THADA: variants seen among roughly 807,000 people sequenced by gnomAD.
THADA encodes tRNA (32-2'-O)-methyltransferase regulator THADA.
THADA carries 213 observed loss-of-function variants against 219.8 expected under a neutral mutation model. That is an observed-to-expected ratio of 0.97 (90% CI 0.87 to 1.09). The LOEUF (loss-of-function observed/expected upper bound fraction) is 1.09, where lower values mean the gene tolerates loss of function less well. THADA is among the 50% of genes least tolerant of loss of function. The pLI, the probability that THADA is intolerant of heterozygous loss-of-function variation, is 0.00. For synonymous variants in THADA, 1,018 were observed against 828.9 expected (o/e 1.23, Z -3.92); for missense variants, 2,956 against 2,311.3 (o/e 1.28, Z -5.72).
chr2:43,407,366 T>C (rs1197613576), intron 28 of THADA, among the ~76,000 whole-genome samples: 1 of 152,220 alleles, frequency 6.6e-6, no homozygotes, highest in African/African-American at 2.4e-5. Context: ...TTTATTGACA[T>C]TAAAAAACTT....
At chr2:43,530,805 A>C (rs1402174181) in intron 21 of THADA, among the ~76,000 whole-genome samples, 4 of 152,218 alleles carry the variant, frequency 2.6e-5, no homozygotes, top group Admixed American at 2.6e-4. Context: ...AAAATCAAAG[A>C]CCTCAGAAGT....
At chr2:43,522,830 A>C (rs753871761) in intron 22 of THADA, among the ~76,000 whole-genome samples, 2 of 152,142 alleles carry the variant, frequency 1.3e-5, no homozygotes, top group African/African-American at 4.8e-5. Flanking sequence ...AGGGAAATTA[A>C]AAGGATTTTT....
intron 31 of THADA, among the ~76,000 whole-genome samples, chr2:43,294,702 C>T (rs1378424866): frequency 1.3e-5 from 2 of 152,090 alleles, no homozygotes; most frequent in African/African-American, 2.4e-5. Flanking sequence ...GCAGGGAGAC[C>T]AGTTACAACA....
chr2:43,432,258 G>A (rs909116091), intron 26 of THADA, among the ~76,000 whole-genome samples: 1 of 152,148 alleles, frequency 6.6e-6, no homozygotes, highest in Non-Finnish European at 1.5e-5. Context: ...CCAAAGTTCT[G>A]GGATTACAGG....
intron 16 of THADA, among the ~76,000 whole-genome samples, chr2:43,558,611 G>C (rs956454529): frequency 1.3e-5 from 2 of 152,138 alleles, no homozygotes; most frequent in Non-Finnish European, 2.9e-5. Context: ...CTTCTCCCAT[G>C]CTGGATGCTT....
intron 29 of THADA, among the ~76,000 whole-genome samples, chr2:43,379,188 A>G (rs946800564): frequency 3.3e-5 from 5 of 152,210 alleles, no homozygotes; most frequent in South Asian, 2.1e-4. Context: ...TAATGTCCGT[A>G]TCTTCTGGAG....
At chr2:43,300,182 G>A (rs927148167) in intron 31 of THADA, among the ~76,000 whole-genome samples, 7 of 151,730 alleles carry the variant, frequency 4.6e-5, no homozygotes, top group African/African-American at 1.7e-4. Flanking sequence ...TGTCACCCAG[G>A]CTGAGTGCAG....
intron 27 of THADA, among the ~76,000 whole-genome samples, chr2:43,428,461 C>A (rs1405761300): frequency 2.0e-5 from 3 of 152,112 alleles, no homozygotes; most frequent in Admixed American, 6.5e-5. Flanking sequence ...AAAAAACTAG[C>A]CGATGTGGTG....
chr2:43,313,576 C>G (rs950832905), intron 31 of THADA, among the ~76,000 whole-genome samples: 1 of 152,202 alleles, frequency 6.6e-6, no homozygotes, highest in Non-Finnish European at 1.5e-5. Context: ...AGGTGGCTGC[C>G]CGGGAGCAGT....
intron 29 of THADA, among the ~76,000 whole-genome samples, chr2:43,354,581 G>C (rs1291672923): frequency 1.3e-5 from 2 of 151,582 alleles, no homozygotes; most frequent in East Asian, 3.9e-4. Flanking sequence ...TTTAATTTTT[G>C]GCTCCTACAA....
At chr2:43,403,808 T>A (rs547084112) in intron 28 of THADA, among the ~76,000 whole-genome samples, 1 of 152,104 alleles carries the variant, frequency 6.6e-6, no homozygotes, top group Non-Finnish European at 1.5e-5. Flanking sequence ...AAGCTATGTC[T>A]GACCCTGACC....
At chr2:43,459,517 A>T (rs1290002514) in intron 26 of THADA, among the ~76,000 whole-genome samples, 1 of 152,222 alleles carries the variant, frequency 6.6e-6, no homozygotes, top group East Asian at 1.9e-4. Context: ...AAGAGCTGAT[A>T]TTCTAGTAAG....
chr2:43,248,589 A>T (rs1669503977), intron 36 of THADA, among the ~76,000 whole-genome samples: 1 of 152,212 alleles, frequency 6.6e-6, no homozygotes, highest in African/African-American at 2.4e-5. Context: ...ATGGAAAATA[A>T]TTTCTTGATG....
At chr2:43,493,994 G>A (rs954799932) in intron 25 of THADA, among the ~76,000 whole-genome samples, 3 of 152,136 alleles carry the variant, frequency 2.0e-5, no homozygotes, top group Non-Finnish European at 4.4e-5. Context: ...CACAGTAGAA[G>A]TCATTATTTC....
intron 26 of THADA, among the ~76,000 whole-genome samples, chr2:43,464,893 C>A (rs1414837613): frequency 1.3e-5 from 2 of 152,082 alleles, no homozygotes; most frequent in Non-Finnish European, 2.9e-5. Flanking sequence ...ATTTCTTGAG[C>A]ACCCCTAGCC....
At chr2:43,279,938 T>C in intron 35 of THADA, 42 bp from the exon 36 acceptor site, 1 of 1,473,790 alleles carries the variant, frequency 6.8e-7, no homozygotes, top group Non-Finnish European at 9.0e-7. Flanking sequence ...AGAATGCAAT[T>C]AACAGGCAGG....
intron 7 of THADA, among the ~76,000 whole-genome samples, chr2:43,582,705 G>C (rs1700591434): frequency 6.6e-6 from 1 of 151,030 alleles, no homozygotes; most frequent in African/African-American, 2.4e-5. Context: ...AAGTAGCTGG[G>C]ATTACAAGCA....
At chr2:43,392,801 C>T (rs1004465391) in intron 29 of THADA, among the ~76,000 whole-genome samples, 1 of 152,130 alleles carries the variant, frequency 6.6e-6, no homozygotes, top group Non-Finnish European at 1.5e-5. Flanking sequence ...CCCTGGTCCC[C>T]GAGGGCTCAC....
chr2:43,504,296 G>A (rs550254172), intron 24 of THADA, among the ~76,000 whole-genome samples: 2 of 152,176 alleles, frequency 1.3e-5, no homozygotes, highest in Non-Finnish European at 2.9e-5. Flanking sequence ...ATGGGTACTG[G>A]CCACTATGTG....
Sources: gnomAD v4.1 joint callset for allele counts (sites outside exome capture counted in the v4.1 genomes callset) on GRCh38, gnomAD v4.1.1 for gene constraint, MANE v1.5 for transcripts, NCBI Gene and HGNC (gene_info 2026-07-23, HGNC 2026-07-21) for gene names.